The following ATXN1 variants were observed in gnomAD, a reference collection of about 807,000 sequenced individuals.
The protein encoded by ATXN1 is ataxin-1.
In ATXN1, 8 loss-of-function variants were observed where a neutral mutation model predicts 56.4. The ratio of observed to expected loss-of-function variants is 0.14; its 90% CI spans 0.08 to 0.26. ATXN1 has a LOEUF of 0.26. ATXN1 is among the 10% of genes least tolerant of loss of function. The probability of loss-of-function intolerance (pLI) is 1.00; values close to 1 mark genes in which losing one functional copy is unlikely to be tolerated. For missense variants in ATXN1, 987 were observed against 1,106.5 expected (o/e 0.89, Z 1.53); for synonymous variants, 514 against 494.6 (o/e 1.04, Z -0.52).
chr6:16,503,552 T>C (rs1376072491), intron 5 of ATXN1, among the ~76,000 whole-genome samples: 1 of 152,168 alleles, frequency 6.6e-6, no homozygotes, highest in African/African-American at 2.4e-5. Context: ...CACATACACA[T>C]TCATTTTTGG....
At chr6:16,497,349 C>T (rs888846034) in intron 5 of ATXN1, among the ~76,000 whole-genome samples, 13 of 151,882 alleles carry the variant, frequency 8.6e-5, no homozygotes, top group African/African-American at 2.9e-4. Flanking sequence ...TTCCTGCTGA[C>T]CCCAGCAGAA....
chr6:16,312,890 A>T (rs1340630016), intron 7 of ATXN1, among the ~76,000 whole-genome samples: 1 of 152,042 alleles, frequency 6.6e-6, no homozygotes, highest in Non-Finnish European at 1.5e-5. Context: ...TTACAAAATT[A>T]TTATTTCTTG....
At chr6:16,692,142 G>A (rs188368327) in intron 2 of ATXN1, among the ~76,000 whole-genome samples, 147 of 152,330 alleles carry the variant, frequency 9.7e-4, no homozygotes, top group Non-Finnish European at 1.9e-3. Context: ...TGTAGTCCCA[G>A]CTACTCAGGA....
chr6:16,327,805 G>A lies in ATXN1; in HGVS notation c.506C>T (p.Ser169Phe), dbSNP rs754101017. 7 of 1,609,902 alleles carry A rather than the reference G, an allele frequency of 4.3e-6. No homozygotes were observed. In the South Asian group the frequency reaches 6.6e-5, roughly 15 times the overall value. ...ATAGGCCTCCAGCTGGGAGCGCTGG[G>A]ATGGAGTGGTGGCCCCTGCGGCCGA... ...VASAAGATTP[S>F]QRSQLEAYST... Residue 169 changes from serine (S) to phenylalanine (F), a missense_variant, in exon 7 of 8, where the codon TCC (serine) becomes TTC (phenylalanine). Physicochemically the swap from Ser to Phe is radical, Grantham distance 155. This residue lies in a region of ATXN1 where 723 missense variants were observed against 791.7 expected (regional missense o/e 0.91). Coordinates refer to ENST00000436367, the MANE Select transcript of ATXN1 (RefSeq NM_001128164.2).
At chr6:16,651,549 A>AAC (rs2113830723) in intron 3 of ATXN1, among the ~76,000 whole-genome samples, 1 of 151,890 alleles carries the variant, frequency 6.6e-6, no homozygotes, top group African/African-American at 2.4e-5. Flanking sequence ...GTCTCAAAAA[A>AAC]AAAAAAAAGG....
At chr6:16,376,337 A>G (rs865955009) in intron 6 of ATXN1, among the ~76,000 whole-genome samples, 2 of 152,220 alleles carry the variant, frequency 1.3e-5, no homozygotes, top group Non-Finnish European at 2.9e-5. Context: ...CCCACAGCAT[A>G]TCTGAAAGGA....
At chr6:16,331,025 G>T (rs1219984445) in intron 6 of ATXN1, among the ~76,000 whole-genome samples, 2 of 151,840 alleles carry the variant, frequency 1.3e-5, no homozygotes, top group Non-Finnish European at 2.9e-5. Context: ...TTTTGAGATG[G>T]AGTCTCACTC....
At chr6:16,718,910 G>A (rs946780317) in intron 2 of ATXN1, among the ~76,000 whole-genome samples, 9 of 152,224 alleles carry the variant, frequency 5.9e-5, no homozygotes, top group Non-Finnish European at 1.2e-4. Context: ...GTGAAGGTAT[G>A]TAGCATGATA....
intron 6 of ATXN1, among the ~76,000 whole-genome samples, chr6:16,420,662 C>A (rs1759013161): frequency 6.6e-6 from 1 of 152,170 alleles, no homozygotes; most frequent in Non-Finnish European, 1.5e-5. Flanking sequence ...TCCTTACTTT[C>A]AAATCTGAAG....
At chr6:16,453,385 C>T (rs1024357242) in intron 6 of ATXN1, among the ~76,000 whole-genome samples, 36 of 152,130 alleles carry the variant, frequency 2.4e-4, no homozygotes, top group African/African-American at 8.0e-4. Flanking sequence ...CGCTTGAACC[C>T]GGGAGGCAGA....
At chr6:16,742,124 T>C (rs1760361034) in intron 2 of ATXN1, among the ~76,000 whole-genome samples, 1 of 151,954 alleles carries the variant, frequency 6.6e-6, no homozygotes, top group Non-Finnish European at 1.5e-5. Context: ...CTTCTGTCAA[T>C]ACAATAATAA....
At chr6:16,583,202 G>A (rs1762558273) in intron 4 of ATXN1, among the ~76,000 whole-genome samples, 1 of 152,280 alleles carries the variant, frequency 6.6e-6, no homozygotes, top group East Asian at 1.9e-4. Context: ...GAAATACAGA[G>A]CTGTTCAAAT....
intron 3 of ATXN1, among the ~76,000 whole-genome samples, chr6:16,635,289 C>T (rs1763575499): frequency 1.3e-5 from 2 of 152,194 alleles, no homozygotes; most frequent in African/African-American, 4.8e-5. Flanking sequence ...ACTGATTCTA[C>T]ATTATGGTGA....
chr6:16,607,396 G>A (rs1186503613), intron 3 of ATXN1, among the ~76,000 whole-genome samples: 5 of 152,214 alleles, frequency 3.3e-5, no homozygotes, highest in South Asian at 2.1e-4. Flanking sequence ...GTCAAAAAAT[G>A]TAAATTATGC....
intron 3 of ATXN1, among the ~76,000 whole-genome samples, chr6:16,655,560 A>G (rs1170930469): frequency 6.6e-6 from 1 of 152,148 alleles, no homozygotes; most frequent in Non-Finnish European, 1.5e-5. Context: ...CCAGTCAGCG[A>G]AGTCCTAAAA....
chr6:16,338,630 T>C (rs898434908), intron 6 of ATXN1, among the ~76,000 whole-genome samples: 8 of 152,194 alleles, frequency 5.3e-5, no homozygotes, highest in African/African-American at 1.9e-4. Flanking sequence ...GTGCCTAGTA[T>C]AACACACACT....
Position 16,326,676 on chromosome 6 carries a change from T to C in ATXN1, c.1635A>G (p.Pro545=), listed in dbSNP as rs771255360. The change falls in exon 7 of 8, where the codon CCA becomes CCG. Residue 545 remains proline, a synonymous_variant. Coordinates refer to ENST00000436367, the MANE Select transcript of ATXN1 (RefSeq NM_001128164.2). This position sits in a 1 kb window ranked among gnomAD's most constrained non-coding sequence, Gnocchi z 6.6. ...GGTGGATCTGGGCCTGCACCATGGCTGGGTAGGCGGCCTGGGTGACCAGGG... is the reference window on the plus strand; with the variant it reads ...GGTGGATCTGGGCCTGCACCATGGCCGGGTAGGCGGCCTGGGTGACCAGGG... ...PEALVTQAAY[P]AMVQAQIHLP... 3 of 1,613,302 alleles carry C rather than the reference T, an allele frequency of 1.9e-6. No individual in the cohort carries two copies. The highest frequency in any genetic ancestry group is 8.5e-7 in the Non-Finnish European group (1 of 1,180,010).
chr6:16,689,816 G>A (rs1759009293), intron 2 of ATXN1, among the ~76,000 whole-genome samples: 1 of 151,818 alleles, frequency 6.6e-6, no homozygotes, highest in African/African-American at 2.4e-5. Context: ...TTATTATGAG[G>A]GCTAAAAATG....
Position 16,327,764 on chromosome 6 carries a change from T to A in ATXN1, c.547A>T (p.Asn183Tyr). 1 of 1,609,558 alleles carries A rather than the reference T, an allele frequency of 6.2e-7. No individual in the cohort carries two copies. The highest frequency in any genetic ancestry group is 8.5e-7 in the Non-Finnish European group (1 of 1,179,898). ...QLEAYSTLLA[N>Y]MGSLSQTPGH... ...GGCGTCTGGCTCAGACTGCCCATGT[T>A]GGCCAGCAGAGTGGAATAGGCCTCC... is the stretch of plus-strand genomic sequence containing the variant. Residue 183 changes from asparagine (N) to tyrosine (Y), a missense_variant, in exon 7 of 8, where the codon AAC (asparagine) becomes TAC (tyrosine). Physicochemically the swap from Asn to Tyr is moderately radical, Grantham distance 143 (BLOSUM62 -2). This residue lies in a region of ATXN1 where 723 missense variants were observed against 791.7 expected (regional missense o/e 0.91). Transcript: ENST00000436367.
Sources: allele counts gnomAD v4.1 joint callset (sites outside exome capture counted in the v4.1 genomes callset), GRCh38; gene constraint gnomAD v4.1.1; regional missense constraint gnomAD v4.1.1; non-coding constraint Gnocchi (gnomAD v3.1); transcripts MANE v1.5; gene names NCBI Gene and HGNC (gene_info 2026-07-23, HGNC 2026-07-21).